UBL4A: variants seen among roughly 807,000 people sequenced by gnomAD.
The protein encoded by UBL4A is ubiquitin like 4A, also known as ubiquitin-like protein 4A.
In UBL4A, 4 loss-of-function variants were observed where a neutral mutation model predicts 11.4. That is an observed-to-expected ratio of 0.35 (90% CI 0.17 to 0.81). The LOEUF is 0.81. Among genes scored for constraint, UBL4A ranks in the 30% least tolerant of loss-of-function variants. The pLI is 0.52. For missense variants in UBL4A, 112 were observed against 124.9 expected, an observed-to-expected ratio of 0.90 and a Z score of 0.49; for synonymous variants, 72 against 61.2, an observed-to-expected ratio of 1.18 and a Z score of -0.83.
chrX:154,486,050 T>C (rs1231001582), intron 2 of UBL4A, 71 bp from the exon 3 acceptor site: 2 of 1,145,011 alleles, frequency 1.7e-6, no homozygotes, highest in African/African-American at 3.6e-5. Flanking sequence ...CGAGGCCGCC[T>C]CGGGCGGCGG....
chrX:154,485,786 C>T lies in UBL4A; in HGVS notation c.348G>A (p.Leu116=), dbSNP rs1340719458. 1.1e-5 allele frequency: 13 copies of T among 1,192,553 alleles called. No homozygotes were observed. Among genetic ancestry groups the T allele is most frequent in the Admixed American group, 2.2e-5 (1 of 44,461 alleles). The change falls in exon 3 of 4, where the codon CTG becomes CTA. Residue 116 remains leucine, a synonymous_variant. Coordinates refer to ENST00000369660, the MANE Select transcript of UBL4A (RefSeq NM_014235.5). The part of the protein sequence containing the change: ...HFSAADASRV[L]EQLQRDYERS... ...CCCTTCTCACCCTCTGTAGCTGTTC[C>T]AGGACCCTGCTGGCATCTGCCGCAC...
Position 154,485,367 on chromosome X carries a change from C to G in UBL4A, c.*172G>C. Reference sequence around the variant, plus strand: ...CCTCTGCTGTGCCGGCTCTCCTCTTCTGAGGGTGTGGAAGCAAACCCAGGT... The same window carrying G: ...CCTCTGCTGTGCCGGCTCTCCTCTTGTGAGGGTGTGGAAGCAAACCCAGGT... On this transcript the variant is annotated 3_prime_UTR_variant, in exon 4 of 4. Transcript: ENST00000369660. The G allele has an allele frequency of 1.8e-6, 1 of 558,166 alleles. No individual in the cohort carries two copies. 46.0% of individuals were successfully genotyped at this position (558,166 alleles called of 1,213,427 possible). A position where few individuals can be genotyped will look rare whatever the true frequency, so the allele number is the denominator to read the frequency against.
chrX:154,486,318 G>T lies in UBL4A; in HGVS notation c.64C>A (p.Leu22Met). 1 of 1,145,330 alleles carries T rather than the reference G, an allele frequency of 8.7e-7. No individual in the cohort carries two copies. Among genetic ancestry groups the T allele is most frequent in the Non-Finnish European group, 1.2e-6 (1 of 862,790 alleles). 94.4% of individuals were successfully genotyped at this position (1,145,330 alleles called of 1,213,427 possible). The change falls in exon 2 of 4, where the codon CTG becomes ATG. Residue 22 changes from leucine (L) to methionine (M), a missense_variant. Physicochemically the swap from Leu to Met is conservative, Grantham distance 15. Transcript: ENST00000369660. ...ECSLQVPEDELVSTLKQLVSE... is the reference protein window; with the variant it reads ...ECSLQVPEDEMVSTLKQLVSE... The stretch of plus-strand genomic sequence containing the variant: ...ACCAGCTGCTTCAGCGTGGACACCA[G>T]CTCGTCCTCTGGCACCTGGCCGCGC...
chrX:154,485,791 C>T lies in UBL4A; in HGVS notation c.343G>A (p.Val115Ile). The stretch of plus-strand genomic sequence containing the variant: ...CTCACCCTCTGTAGCTGTTCCAGGA[C>T]CCTGCTGGCATCTGCCGCACTGAAG... Reference protein sequence around the residue: ...RHFSAADASRVLEQLQRDYER... With the variant: ...RHFSAADASRILEQLQRDYER... The change falls in exon 3 of 4, where the codon GTC (valine) becomes ATC (isoleucine). Residue 115 changes from valine (V) to isoleucine (I), a missense_variant. Val to Ile is a conservative substitution (Grantham distance 29). Coordinates refer to ENST00000369660, the MANE Select transcript of UBL4A (RefSeq NM_014235.5). 1 of 1,195,580 alleles carries T rather than the reference C, an allele frequency of 8.4e-7. No homozygotes were observed. The highest frequency in any genetic ancestry group is 1.1e-6 in the Non-Finnish European group (1 of 887,039).
rs2069283910 is a variant in UBL4A at position 154,484,729 on chromosome X, AC to A, written c.*809del. The A allele has an allele frequency of 8.9e-6, 1 of 112,826 alleles. No homozygotes were observed. Among genetic ancestry groups the A allele is most frequent in the African/African-American group, 3.2e-5 (1 of 31,000 alleles). 9.3% of individuals were successfully genotyped at this position (112,826 alleles called of 1,213,427 possible). Reference sequence around the variant, plus strand: ...AGCTCTGACACTGCCTTGCTGAGTCACCCATCAGCCCTAACGCTTCCTGGAC... The same window carrying A: ...AGCTCTGACACTGCCTTGCTGAGTCACCATCAGCCCTAACGCTTCCTGGAC... On this transcript the variant is annotated 3_prime_UTR_variant, in exon 4 of 4. Transcript: ENST00000369660.
chrX:154,485,843 C>T lies in UBL4A; in HGVS notation c.291G>A (p.Gln97=). The change falls in exon 3 of 4, where the codon CAG becomes CAA. Residue 97 remains glutamine, a synonymous_variant. Transcript: ENST00000369660. The part of the protein sequence containing the change: ...LADSPPPQVW[Q]LISKVLARHF... The stretch of plus-strand genomic sequence containing the variant: ...GGCGGGCCAAGACTTTGGAGATCAG[C>T]TGCCAGACCTGCGGGGGTGGGGAGT... 2 of 1,202,038 alleles carry T rather than the reference C, an allele frequency of 1.7e-6. No homozygotes were observed. Among genetic ancestry groups the T allele is most frequent in the Non-Finnish European group, 1.1e-6 (1 of 890,687 alleles).
Position 154,485,860 on chromosome X carries a change from G to T in UBL4A, c.274C>A (p.Pro92Thr). Reference sequence around the variant, plus strand: ...GAGATCAGCTGCCAGACCTGCGGGGGTGGGGAGTCGGCCAGCCTCTGGGCC... The same window carrying T: ...GAGATCAGCTGCCAGACCTGCGGGGTTGGGGAGTCGGCCAGCCTCTGGGCC... Reference protein sequence around the residue: ...GEAQRLADSPPPQVWQLISKV... With the variant: ...GEAQRLADSPTPQVWQLISKV... The change falls in exon 3 of 4, where the codon CCC (proline) becomes ACC (threonine). Residue 92 changes from proline (P) to threonine (T), a missense_variant. Physicochemically the swap from Pro to Thr is conservative, Grantham distance 38. Coordinates refer to ENST00000369660, the MANE Select transcript of UBL4A (RefSeq NM_014235.5). 2 of 1,209,732 alleles carry T rather than the reference G, an allele frequency of 1.7e-6. No individual in the cohort carries two copies. The highest frequency in any genetic ancestry group is 2.2e-6 in the Non-Finnish European group (2 of 894,430).
In UBL4A at chrX:154,484,217, C is replaced by T. The variant is rs2069280905; in HGVS notation, c.*1322G>A. 8.8e-6 allele frequency: 1 copy of T among 113,292 alleles called. No individual in the cohort carries two copies. The highest frequency in any genetic ancestry group is 3.2e-5 in the African/African-American group (1 of 31,204). The allele number at this position is 113,292 out of a possible 1,213,427, so 9.3% of individuals were successfully genotyped here. A position where few individuals can be genotyped will look rare whatever the true frequency, so the allele number is the denominator to read the frequency against. On this transcript the variant is annotated 3_prime_UTR_variant, in exon 4 of 4. Coordinates refer to ENST00000369660, the MANE Select transcript of UBL4A (RefSeq NM_014235.5). Reference sequence around the variant, plus strand: ...GTCCCTGCCGTAGGTGGCTTTGAAGCCATATACATGGCTCTCCAGCTCTCG... The same window carrying T: ...GTCCCTGCCGTAGGTGGCTTTGAAGTCATATACATGGCTCTCCAGCTCTCG...
chrX:154,486,124 C>T (rs1251458905), intron 2 of UBL4A, 104 bp downstream of exon 2: 27 of 1,037,301 alleles, frequency 2.6e-5, no homozygotes, highest in East Asian at 3.6e-5. Flanking sequence ...TCATGTGGCG[C>T]TTGGCGCCCG....
In UBL4A at chrX:154,486,283, C is replaced by A; in HGVS notation, c.99G>T (p.Lys33Asn). ...GCTGCTGGCGCACTGGGACGTTCAG[C>A]TTCTCGGAGACCAGCTGCTTCAGCG... The part of the protein sequence containing the change: ...VSTLKQLVSE[K>N]LNVPVRQQRL... The change falls in exon 2 of 4, where the codon AAG becomes AAT. Residue 33 changes from lysine to asparagine, a missense_variant. Transcript: ENST00000369660. 1 of 1,156,567 alleles carries A rather than the reference C, an allele frequency of 8.6e-7. No individual in the cohort carries two copies.
At chrX:154,485,691 T>C (rs5945433) in intron 3 of UBL4A, 42 bp from the exon 4 acceptor site, 93 of 1,074,239 alleles carry the variant, frequency 8.7e-5, no homozygotes, top group Admixed American at 2.2e-4. Context: ...CTGCCAGTGG[T>C]GGGGGGGCAT....
At chrX:154,485,707 G>A (rs2069292037) in intron 3 of UBL4A, 58 bp from the exon 4 acceptor site, 12 of 1,191,849 alleles carry the variant, frequency 1.0e-5, no homozygotes, top group African/African-American at 1.7e-5. Flanking sequence ...GGCATACACT[G>A]CAACAGAGGT....
At chrX:154,486,470 C>T in intron 1 of UBL4A, 67 bp downstream of exon 1, 1 of 1,003,503 alleles carries the variant, frequency 1.0e-6, no homozygotes, top group Non-Finnish European at 1.3e-6. Context: ...CTCGGCCCTG[C>T]CGGTCCCCCT....
Position 154,486,343 on chromosome X carries a change from C to T in UBL4A, c.49-10G>A. 8.8e-7 allele frequency: 1 copy of T among 1,135,195 alleles called. No homozygotes were observed. Among genetic ancestry groups the T allele is most frequent in the Non-Finnish European group, 1.2e-6 (1 of 857,124 alleles). The allele number at this position is 1,135,195 out of a possible 1,213,427, so 93.6% of individuals were successfully genotyped here. ...GCTCGTCCTCTGGCACCTGGCCGCG[C>T]GGAGGGTGGGAGGCAAGGGTTGAGC... On this transcript the variant is annotated splice_polypyrimidine_tract_variant and intron_variant, in intron 1 of 3. Coordinates refer to ENST00000369660, the MANE Select transcript of UBL4A (RefSeq NM_014235.5).
rs782819598 is a variant in UBL4A at position 154,485,543 on chromosome X, T to G, written c.470A>C (p.Lys157Thr). Residue 157 changes from lysine (K) to threonine (T), a missense_variant, in exon 4 of 4, where the codon AAA (lysine) becomes ACA (threonine). Physicochemically the swap from Lys to Thr is moderately conservative, Grantham distance 78. Transcript: ENST00000369660. ...VTETMEKGFS[K>T] ...CCTCCCCATGCTCCGAGAATTCTAT[T>G]TGGAGAAGCCCTTCTCCATTGTCTC... The G allele has an allele frequency of 2.5e-6, 3 of 1,207,007 alleles. No individual in the cohort carries two copies. The East Asian group carries it at 8.9e-5, about 36-fold the overall frequency.
chrX:154,484,916 C>T lies in UBL4A; in HGVS notation c.*623G>A, dbSNP rs1324031108. The T allele has an allele frequency of 8.0e-6, 1 of 125,086 alleles. No homozygotes were observed. Among genetic ancestry groups the T allele is most frequent in the Non-Finnish European group, 1.6e-5 (1 of 61,720 alleles). The allele number at this position is 125,086 out of a possible 1,213,427, so 10.3% of individuals were successfully genotyped here. On this transcript the variant is annotated 3_prime_UTR_variant, in exon 4 of 4. Transcript: ENST00000369660. ...TGAGACAGAGGACACTGACTCAGGT[C>T]GGTGAGTGGCCCTCACTGTATAGAG...
At chrX:154,486,478 C>A in intron 1 of UBL4A, 59 bp downstream of exon 1, 1 of 1,017,825 alleles carries the variant, frequency 9.8e-7, no homozygotes, top group Non-Finnish European at 1.2e-6. Context: ...TGCCGGTCCC[C>A]CTGCCAGGAG....
In UBL4A at chrX:154,483,976, C is replaced by T. The variant is rs1376141117; in HGVS notation, c.*1563G>A. Reference sequence around the variant, plus strand: ...TCACTTTCATAAGCCAAGAAATTTCCGTTAACTGATTAAACAAATTGCCTT... The same window carrying T: ...TCACTTTCATAAGCCAAGAAATTTCTGTTAACTGATTAAACAAATTGCCTT... On this transcript the variant is annotated 3_prime_UTR_variant, in exon 4 of 4. Transcript: ENST00000369660. 2 of 113,355 alleles carry T rather than the reference C, an allele frequency of 1.8e-5. No homozygotes were observed. Among genetic ancestry groups the T allele is most frequent in the East Asian group, 2.7e-4 (1 of 3,651 alleles). 9.3% of individuals were successfully genotyped at this position (113,355 alleles called of 1,213,427 possible).
At position 154,485,900 on chromosome X, in the gene UBL4A, T is replaced by C; in HGVS notation, c.234A>G (p.Leu78=). 8.3e-7 allele frequency: 1 copy of C among 1,211,136 alleles called. No individual in the cohort carries two copies. ...GCCTCTGGGCCTCGCCTTCTTCTAG[T>C]AGCACCTTCTCCAGGGGTTTGACCA... ...NLVVKPLEKV[L]LEEGEAQRLA... is the part of the protein sequence containing the mutation. The change falls in exon 3 of 4, where the codon CTA becomes CTG. Residue 78 remains leucine, a synonymous_variant. Coordinates refer to ENST00000369660, the MANE Select transcript of UBL4A (RefSeq NM_014235.5).
Sources: gnomAD v4.1 joint callset for allele counts on GRCh38, gnomAD v4.1.1 for gene constraint, MANE v1.5 for transcripts, NCBI Gene and HGNC (gene_info 2026-07-23, HGNC 2026-07-21) for gene names.